The following STXBP4 variants were observed in gnomAD, a reference collection of about 807,000 sequenced individuals.
The protein encoded by STXBP4 is syntaxin-binding protein 4.
Under a neutral mutation model 76.1 loss-of-function variants are expected in STXBP4, and 55 were observed. The observed-to-expected ratio is 0.72, with a 90% confidence interval of 0.58 to 0.91. The LOEUF is 0.91. Ranked by LOEUF, STXBP4 falls within the 40% of genes least tolerant of loss-of-function variation. The probability of loss-of-function intolerance (pLI) is 0.00; values close to 1 mark genes in which losing one functional copy is unlikely to be tolerated. For missense variants in STXBP4, 618 were observed against 636.9 expected, an observed-to-expected ratio of 0.97 and a Z score of 0.32; for synonymous variants, 201 against 220.2, an observed-to-expected ratio of 0.91 and a Z score of 0.77.
At chr17:55,194,628 A>C in the STXBP4 span, among the ~76,000 whole-genome samples, 2 of 152,188 alleles carry the variant, frequency 1.3e-5, no homozygotes, top group African/African-American at 4.8e-5. Flanking sequence ...GCCTCAACTA[A>C]ATTTACTTTA....
intron 16 of STXBP4, among the ~76,000 whole-genome samples, chr17:55,085,109 CA>C (rs1221552876): frequency 7.4e-5 from 11 of 149,404 alleles, no homozygotes; most frequent in African/African-American, 2.7e-4. Flanking sequence ...ATCACAAGAA[CA>C]AAAAACCAAA....
the STXBP4 span, among the ~76,000 whole-genome samples, chr17:55,191,832 C>T: frequency 6.6e-6 from 1 of 152,192 alleles, no homozygotes; most frequent in Non-Finnish European, 1.5e-5. Context: ...AGAGCTCAGT[C>T]AAACAAGGCT....
chr17:55,081,825 T>C (rs570641691), intron 16 of STXBP4, among the ~76,000 whole-genome samples: 87 of 152,316 alleles, frequency 5.7e-4, no homozygotes, highest in African/African-American at 1.4e-3. Flanking sequence ...AGAGTCATCA[T>C]TGGGCTAGAA....
rs762441241 is a variant in STXBP4 at position 54,995,488 on chromosome 17, CAT to C, written c.181-3849_181-3848del. On this transcript the variant is annotated intron_variant, in intron 4 of 17. Transcript: ENST00000376352. ...CATATAAGCTATGCATGCACACACA[CAT>C]ATATATAACATGCATATATCGGTAT... is the stretch of plus-strand genomic sequence containing the variant. Among the ~76,000 whole-genome samples the C allele has an allele frequency of 1.9e-3, 295 of 152,290 alleles. 6 individuals are homozygous for C. Among genetic ancestry groups the C allele is most frequent in the Middle Eastern group, 3.4e-3 (1 of 294 alleles).
intron 8 of STXBP4, among the ~76,000 whole-genome samples, chr17:55,023,698 A>AG (rs2078356088): frequency 6.6e-6 from 1 of 152,094 alleles, no homozygotes; most frequent in East Asian, 1.9e-4. Flanking sequence ...AAGAAAAAAA[A>AG]GAAGAATGGG....
the STXBP4 span, among the ~76,000 whole-genome samples, chr17:55,196,208 G>A: frequency 6.6e-6 from 1 of 152,188 alleles, no homozygotes; most frequent in East Asian, 1.9e-4. Context: ...GATGTTACAT[G>A]ATTCATCTGC....
rs1002409835 is a variant in STXBP4 at position 55,090,835 on chromosome 17, TTGTGTGTGTGTGTGTGTGTC to T, written c.1489+9672_1489+9691del. On this transcript the variant is annotated intron_variant, in intron 16 of 17. Transcript: ENST00000376352. ...TTACACATAGAAATGACATTTTAAATTGTGTGTGTGTGTGTGTGTCTGTGTGTGTGTGTGTGTGTGTGTGT... is the reference window on the plus strand; with the variant it reads ...TTACACATAGAAATGACATTTTAAATTGTGTGTGTGTGTGTGTGTGTGTGT... Among the ~76,000 whole-genome samples, 202 of 149,618 alleles carry T rather than the reference TTGTGTGTGTGTGTGTGTGTC, an allele frequency of 1.4e-3. 7 individuals carry two copies. In the South Asian group the frequency reaches 0.042, roughly 31 times the overall value.
chr17:55,051,132 C>G (rs1341691735), intron 12 of STXBP4, among the ~76,000 whole-genome samples: 1 of 152,048 alleles, frequency 6.6e-6, no homozygotes, highest in Admixed American at 6.6e-5. Flanking sequence ...TGTTAAGATA[C>G]AGGAAAGAGT....
intron 12 of STXBP4, among the ~76,000 whole-genome samples, chr17:55,058,008 T>C (rs948536344): frequency 2.0e-5 from 3 of 152,212 alleles, no homozygotes; most frequent in African/African-American, 2.4e-5. Context: ...AGTGCCACAA[T>C]AAACGTACTT....
At chr17:55,094,324 C>G (rs12453184) in intron 16 of STXBP4, among the ~76,000 whole-genome samples, 32,592 of 151,884 alleles carry the variant, frequency 0.21, 3,674 homozygotes, top group Middle Eastern at 0.34. Flanking sequence ...TAGGAAGGCA[C>G]AAGGAGTAAC....
At chr17:55,100,789 A>G (rs1325991297) in intron 16 of STXBP4, among the ~76,000 whole-genome samples, 1 of 152,200 alleles carries the variant, frequency 6.6e-6, no homozygotes, top group Non-Finnish European at 1.5e-5. Context: ...TTGTAACTAT[A>G]CAATACAGCA....
rs746910717 is a variant in STXBP4, at chr17:54,999,340, G to T, written c.181-5G>T. On this transcript the variant is annotated splice_region_variant and splice_polypyrimidine_tract_variant and intron_variant, in intron 4 of 17. Coordinates refer to ENST00000376352, the MANE Select transcript of STXBP4 (RefSeq NM_178509.6). Reference sequence around the variant, plus strand: ...TTCCTTTATAAATGTTACTGTTTTTGTTAGGATGGTCGTTTGAAGCCAGGA... The same window carrying T: ...TTCCTTTATAAATGTTACTGTTTTTTTTAGGATGGTCGTTTGAAGCCAGGA... 6.2e-7 allele frequency: 1 copy of T among 1,601,124 alleles called. No homozygotes were observed. Among genetic ancestry groups the T allele is most frequent in the East Asian group, 2.2e-5 (1 of 44,652 alleles).
At chr17:55,210,024 G>GTGCATGCAGGCATGTTCATGTC in the STXBP4 span, among the ~76,000 whole-genome samples, 3 of 152,180 alleles carry the variant, frequency 2.0e-5, no homozygotes, top group Non-Finnish European at 2.9e-5. Flanking sequence ...ATGTGCATGT[G>GTGCATGCAGGCATGTTCATGTC]TGCATGCAGG....
At chr17:55,040,289 AG>A (rs2078675982) in intron 10 of STXBP4, among the ~76,000 whole-genome samples, 1 of 152,096 alleles carries the variant, frequency 6.6e-6, no homozygotes, top group Non-Finnish European at 1.5e-5. Flanking sequence ...TGGGAGTGAG[AG>A]GAAAGATGTA....
intron 16 of STXBP4, among the ~76,000 whole-genome samples, chr17:55,135,373 TC>T (rs1209916178): frequency 3.3e-5 from 5 of 152,154 alleles, no homozygotes; most frequent in Non-Finnish European, 7.4e-5. Context: ...TGCTTTTTTT[TC>T]CTCAAACAAC....
At chr17:55,094,164 G>GGA (rs2079453067) in intron 16 of STXBP4, among the ~76,000 whole-genome samples, 1 of 103,638 alleles carries the variant, frequency 9.6e-6, no homozygotes, top group African/African-American at 3.5e-5. Flanking sequence ...TTGAGGGACA[G>GGA]GAAAAAAAAA....
intron 16 of STXBP4, among the ~76,000 whole-genome samples, chr17:55,117,385 C>G (rs1012603912): frequency 1.3e-5 from 2 of 151,424 alleles, no homozygotes; most frequent in Non-Finnish European, 3.0e-5. Flanking sequence ...TTTCTGTAGC[C>G]CATTCAGGTT....
chr17:55,047,695 G>A (rs1342940361), intron 12 of STXBP4, among the ~76,000 whole-genome samples: 1 of 151,600 alleles, frequency 6.6e-6, no homozygotes, highest in Non-Finnish European at 1.5e-5. Flanking sequence ...ATATAAATAA[G>A]AGAACATTGT....
chr17:55,017,224 GCCTCTCTGCCTGTTTCTCT>G (rs893282530), intron 8 of STXBP4, among the ~76,000 whole-genome samples: 4 of 151,494 alleles, frequency 2.6e-5, no homozygotes, highest in Non-Finnish European at 5.9e-5. Context: ...TGTCTCTTTC[GCCTCTCTGCCTGTTTCTCT>G]CCTCTCTGCC....
Sources: allele counts gnomAD v4.1 joint callset (sites outside exome capture counted in the v4.1 genomes callset), GRCh38; gene constraint gnomAD v4.1.1; transcripts MANE v1.5; gene names NCBI Gene and HGNC (gene_info 2026-07-23, HGNC 2026-07-21).